Variants in SNX18 observed in about 807,000 individuals in gnomAD.
SNX18 encodes the protein sorting nexin-18.
SNX18 carries 35 observed loss-of-function variants against 48.7 expected under a neutral mutation model. The observed-to-expected ratio is 0.72, with a 90% CI of 0.55 to 0.95. The LOEUF is 0.95. SNX18 is among the 40% of genes least tolerant of loss of function. The pLI is 0.00. For missense variants in SNX18, 824 were observed against 871.0 expected, an observed-to-expected ratio of 0.95 and a Z score of 0.68; for synonymous variants, 492 against 384.7, an observed-to-expected ratio of 1.28 and a Z score of -3.26.
At chr5:54,641,653 A>G in the SNX18 span, among the ~76,000 whole-genome samples, 1 of 152,204 alleles carries the variant, frequency 6.6e-6, no homozygotes, top group African/African-American at 2.4e-5. Context: ...CTCACAGCAC[A>G]ACAAAAATTT....
intron 1 of SNX18, among the ~76,000 whole-genome samples, chr5:54,534,934 G>A (rs72765738): frequency 0.058 from 8,865 of 152,154 alleles, 356 homozygotes; most frequent in Middle Eastern, 0.11. Flanking sequence ...AAGTGTTAGC[G>A]TTTACTGATG....
chr5:54,596,643 G>A, the SNX18 span, among the ~76,000 whole-genome samples: 1 of 152,158 alleles, frequency 6.6e-6, no homozygotes, highest in African/African-American at 2.4e-5. Flanking sequence ...TAGATTCTAT[G>A]ACCTTCCACA....
the SNX18 span, among the ~76,000 whole-genome samples, chr5:54,579,507 CA>C: frequency 6.6e-6 from 1 of 152,128 alleles, no homozygotes; most frequent in Non-Finnish European, 1.5e-5. Context: ...TTAATAAATG[CA>C]AATTTCATTT....
chr5:54,588,825 T>C, the SNX18 span, among the ~76,000 whole-genome samples: 1 of 152,144 alleles, frequency 6.6e-6, no homozygotes, highest in East Asian at 1.9e-4. Context: ...AGATCTGAGG[T>C]TTGAACTCTG....
the SNX18 span, among the ~76,000 whole-genome samples, chr5:54,629,043 A>G: frequency 6.6e-6 from 1 of 152,214 alleles, no homozygotes; most frequent in Non-Finnish European, 1.5e-5. Flanking sequence ...AATGTCCAAC[A>G]TGGCCCCTGG....
chr5:54,632,029 G>T, the SNX18 span, among the ~76,000 whole-genome samples: 2 of 152,208 alleles, frequency 1.3e-5, no homozygotes, highest in African/African-American at 4.8e-5. Context: ...GTTCATCAGA[G>T]ATTTCAAGAA....
chr5:54,574,180 G>A, the SNX18 span, among the ~76,000 whole-genome samples: 1 of 152,242 alleles, frequency 6.6e-6, no homozygotes, highest in African/African-American at 2.4e-5. Context: ...ACACCTGATG[G>A]TGAATGCTGG....
the SNX18 span, among the ~76,000 whole-genome samples, chr5:54,607,721 T>C: frequency 6.6e-6 from 1 of 152,230 alleles, no homozygotes; most frequent in South Asian, 2.1e-4. Flanking sequence ...TCACTTGATG[T>C]CGGGAGTTCG....
At chr5:54,609,158 T>C in the SNX18 span, among the ~76,000 whole-genome samples, 5 of 152,236 alleles carry the variant, frequency 3.3e-5, no homozygotes, top group Non-Finnish European at 7.3e-5. Flanking sequence ...CTCTGTCCAG[T>C]ATGGTAGCCA....
the SNX18 span, among the ~76,000 whole-genome samples, chr5:54,594,652 C>G: frequency 6.6e-6 from 1 of 152,266 alleles, no homozygotes; most frequent in Non-Finnish European, 1.5e-5. Flanking sequence ...GAGACTGAGT[C>G]TTTAATGGGC....
At chr5:54,543,140 A>G (rs757257801) in intron 1 of SNX18, 39 bp from the exon 2 acceptor site, 25 of 1,587,842 alleles carry the variant, frequency 1.6e-5, no homozygotes, top group African/African-American at 8.2e-5. Context: ...GGATATGTGG[A>G]TATATAGGTT....
At chr5:54,559,525 A>T in the SNX18 span, among the ~76,000 whole-genome samples, 2 of 152,228 alleles carry the variant, frequency 1.3e-5, no homozygotes, top group Non-Finnish European at 2.9e-5. Flanking sequence ...AGCCACATGC[A>T]GATTGAAACT....
the SNX18 span, among the ~76,000 whole-genome samples, chr5:54,639,765 G>A: frequency 2.0e-5 from 3 of 152,076 alleles, no homozygotes; most frequent in Non-Finnish European, 4.4e-5. Context: ...AATAAGCTAC[G>A]CTCAAGCGTA....
chr5:54,539,525 C>T (rs1024267248), intron 1 of SNX18, among the ~76,000 whole-genome samples: 2 of 152,174 alleles, frequency 1.3e-5, no homozygotes, highest in Non-Finnish European at 2.9e-5. Context: ...TTTCCGTTGT[C>T]ACATTGGTCA....
chr5:54,596,079 C>A, the SNX18 span, among the ~76,000 whole-genome samples: 1 of 152,302 alleles, frequency 6.6e-6, no homozygotes, highest in South Asian at 2.1e-4. Flanking sequence ...GCTGGAAAGA[C>A]CTCTGATCTC....
At chr5:54,529,194 G>T (rs950905696) in intron 1 of SNX18, among the ~76,000 whole-genome samples, 1 of 152,134 alleles carries the variant, frequency 6.6e-6, no homozygotes, top group Admixed American at 6.5e-5. Context: ...TGTCCGTGGC[G>T]GTGGGAGGAG....
At chr5:54,565,034 CCTT>C in the SNX18 span, among the ~76,000 whole-genome samples, 1 of 152,154 alleles carries the variant, frequency 6.6e-6, no homozygotes, top group African/African-American at 2.4e-5. Flanking sequence ...ATGGCTGAGT[CCTT>C]CTCACATGGC....
the SNX18 span, among the ~76,000 whole-genome samples, chr5:54,564,602 A>G: frequency 1.8e-4 from 27 of 152,200 alleles, no homozygotes. Context: ...CACGCCTGTA[A>G]TCCCAGCACT....
the SNX18 span, among the ~76,000 whole-genome samples, chr5:54,566,995 G>A: frequency 6.6e-6 from 1 of 152,148 alleles, no homozygotes; most frequent in South Asian, 2.1e-4. Context: ...CACCTTTCCT[G>A]TCAGCCCTTA....
Sources: allele counts gnomAD v4.1 joint callset (sites outside exome capture counted in the v4.1 genomes callset), GRCh38; gene constraint gnomAD v4.1.1; transcripts MANE v1.5; gene names NCBI Gene and HGNC (gene_info 2026-07-23, HGNC 2026-07-21).